INSL6: variants seen among roughly 807,000 people sequenced by gnomAD.
INSL6 encodes insulin-like peptide INSL6.
INSL6 carries 16 observed loss-of-function variants against 9.4 expected under a neutral mutation model. The ratio of observed to expected loss-of-function variants is 1.70; its 90% CI spans 1.15 to 2.59. INSL6 has a LOEUF of 2.59. Ranked by LOEUF, INSL6 falls within the 30% of genes most tolerant of loss-of-function variation. The probability of loss-of-function intolerance (pLI) is 0.00; values close to 1 mark genes in which losing one functional copy is unlikely to be tolerated. For synonymous variants in INSL6, 154 were observed against 96.9 expected (o/e 1.59, Z -3.46); for missense variants, 391 against 257.3 (o/e 1.52, Z -3.56).
chr9:5,041,149 C>G, the INSL6 span: 27 of 1,118,608 alleles, frequency 2.4e-5, no homozygotes, highest in Non-Finnish European at 3.3e-5. Context: ...TCCGGCTGAT[C>G]ACGCGCATGG....
downstream of INSL6, among the ~76,000 whole-genome samples, chr9:5,162,395 A>G (rs1824945679): frequency 6.6e-6 from 1 of 152,214 alleles, no homozygotes; most frequent in Non-Finnish European, 1.5e-5. Flanking sequence ...AGGGAAGTAT[A>G]TAGCTATGCA....
At chr9:5,104,130 T>C in the INSL6 span, among the ~76,000 whole-genome samples, 3 of 151,888 alleles carry the variant, frequency 2.0e-5, no homozygotes, top group East Asian at 5.8e-4. Flanking sequence ...CAGGAGCTGG[T>C]TTTTCAAAAA....
the INSL6 span, among the ~76,000 whole-genome samples, chr9:5,021,745 T>A: frequency 1.3e-5 from 2 of 152,186 alleles, no homozygotes; most frequent in Non-Finnish European, 2.9e-5. Flanking sequence ...TCCGCTCCAC[T>A]CCCAGAGTAG....
At chr9:5,082,074 C>T in the INSL6 span, among the ~76,000 whole-genome samples, 12 of 152,286 alleles carry the variant, frequency 7.9e-5, no homozygotes, top group African/African-American at 2.6e-4. Context: ...GGGTAATTCT[C>T]GTCAGGTGGG....
intron 2 of INSL6, among the ~76,000 whole-genome samples, chr9:5,149,014 C>A (rs558310384): frequency 1.2e-4 from 18 of 152,342 alleles, no homozygotes; most frequent in Non-Finnish European, 2.1e-4. Context: ...GGGAGACAGG[C>A]AGCCTTGAGG....
the INSL6 span, among the ~76,000 whole-genome samples, chr9:5,007,654 C>G: frequency 6.6e-6 from 1 of 151,502 alleles, no homozygotes; most frequent in Non-Finnish European, 1.5e-5. Flanking sequence ...TTTACTCATA[C>G]TTTAATGGCA....
At chr9:5,107,150 G>C in the INSL6 span, among the ~76,000 whole-genome samples, 2 of 151,978 alleles carry the variant, frequency 1.3e-5, no homozygotes, top group Non-Finnish European at 2.9e-5. Flanking sequence ...TACTGATGAG[G>C]ATCCTACTCT....
the INSL6 span, among the ~76,000 whole-genome samples, chr9:5,013,079 T>C: frequency 6.6e-6 from 1 of 152,170 alleles, no homozygotes; most frequent in African/African-American, 2.4e-5. Context: ...AAGAGAAGAA[T>C]AAAGGTTGAC....
the INSL6 span, among the ~76,000 whole-genome samples, chr9:5,101,257 A>G: frequency 6.6e-6 from 1 of 152,318 alleles, no homozygotes; most frequent in Non-Finnish European, 1.5e-5. Context: ...CAGGTCCCAC[A>G]CCCACGGAGC....
At chr9:5,103,080 A>G in the INSL6 span, among the ~76,000 whole-genome samples, 1 of 152,150 alleles carries the variant, frequency 6.6e-6, no homozygotes, top group South Asian at 2.1e-4. Context: ...GAATGCCCCA[A>G]TTAAAAAACA....
chr9:5,049,110 T>A, the INSL6 span, among the ~76,000 whole-genome samples: 1 of 152,234 alleles, frequency 6.6e-6, no homozygotes, highest in East Asian at 1.9e-4. Context: ...TCAGAATCTT[T>A]TAGTATCTTC....
At chr9:5,027,336 G>C in the INSL6 span, among the ~76,000 whole-genome samples, 2 of 152,170 alleles carry the variant, frequency 1.3e-5, no homozygotes, top group African/African-American at 4.8e-5. Context: ...TCTGTAGTCT[G>C]TTAAGTATGC....
the INSL6 span, chr9:5,022,047 T>G: frequency 6.2e-7 from 1 of 1,614,160 alleles, no homozygotes; most frequent in Non-Finnish European, 8.5e-7. Context: ...CTTCTATATA[T>G]CAGAATGGTG....
chr9:4,999,623 C>T, the INSL6 span, among the ~76,000 whole-genome samples: 2 of 152,144 alleles, frequency 1.3e-5, no homozygotes, highest in Admixed American at 6.5e-5. Flanking sequence ...CAAGGAGAGC[C>T]AGTTCAAGTC....
At chr9:5,117,985 AT>A in the INSL6 span, among the ~76,000 whole-genome samples, 7 of 152,194 alleles carry the variant, frequency 4.6e-5, no homozygotes, top group Non-Finnish European at 1.0e-4. Flanking sequence ...TTGATAGCTA[AT>A]TTTTTTCTTT....
the INSL6 span, among the ~76,000 whole-genome samples, chr9:4,999,619 G>C: frequency 6.6e-6 from 1 of 152,182 alleles, no homozygotes; most frequent in Admixed American, 6.5e-5. Context: ...GGAGCAAGGA[G>C]AGCCAGTTCA....
At chr9:5,062,317 T>G in the INSL6 span, among the ~76,000 whole-genome samples, 1 of 152,014 alleles carries the variant, frequency 6.6e-6, no homozygotes, top group East Asian at 1.9e-4. Context: ...GGGACAACTG[T>G]ACAATAGTTA....
At chr9:5,032,106 G>T in the INSL6 span, among the ~76,000 whole-genome samples, 1 of 152,202 alleles carries the variant, frequency 6.6e-6, no homozygotes, top group African/African-American at 2.4e-5. Flanking sequence ...CACATATCCC[G>T]CGCCTGGCTC....
the INSL6 span, chr9:5,081,673 C>A: frequency 7.4e-7 from 1 of 1,348,608 alleles, no homozygotes; most frequent in Non-Finnish European, 1.1e-6. Context: ...TCAGTTTAGT[C>A]CAGAGAATGT....
Sources: gnomAD v4.1 joint callset for allele counts (sites outside exome capture counted in the v4.1 genomes callset) on GRCh38, gnomAD v4.1.1 for gene constraint, MANE v1.5 for transcripts, NCBI Gene and HGNC (gene_info 2026-07-23, HGNC 2026-07-21) for gene names.